The following POLR1D variants were observed in gnomAD, a reference collection of about 807,000 sequenced individuals.
POLR1D encodes RNA polymerase I and III subunit D.
In POLR1D, 8 loss-of-function variants were observed where a neutral mutation model predicts 10.8. That is an observed-to-expected ratio of 0.74 (90% CI 0.43 to 1.33). The LOEUF (loss-of-function observed/expected upper bound fraction) is 1.33, where lower values mean the gene tolerates loss of function less well. POLR1D is among the 40% of genes most tolerant of loss of function. POLR1D has a pLI of 0.01. For synonymous variants in POLR1D, 54 were observed against 57.2 expected (o/e 0.94, Z 0.25); for missense variants, 152 against 161.7 (o/e 0.94, Z 0.32).
Position 27,630,999 on chromosome 13 carries a change from C to G in POLR1D, c.26+8990C>G, listed in dbSNP as rs577295204. On this transcript the variant is annotated intron_variant, in intron 1 of 2. Transcript: ENST00000399697. ...GGCACTTGCCCTTTACTTCCCGAAC[C>G]TCTCTTCCCCTAAATCTTCACATGG... is the stretch of plus-strand genomic sequence containing the variant. Among the ~76,000 whole-genome samples the G allele has an allele frequency of 1.2e-4, 18 of 152,360 alleles. 1 individual carries two copies. In the South Asian group the frequency reaches 3.3e-3, roughly 28 times the overall value.
intron 2 of POLR1D, chr13:27,650,195 A>G: frequency 2.5e-6 from 1 of 395,018 alleles, no homozygotes. Flanking sequence ...AAGGAAGCTC[A>G]TCTGCGGCTC....
chr13:27,650,023 G>A (rs1956252168), intron 2 of POLR1D: 1 of 398,240 alleles, frequency 2.5e-6, no homozygotes, highest in Non-Finnish European at 4.4e-6. Flanking sequence ...ACTGAAATCT[G>A]TTATACTTGT....
chr13:27,645,383 CAG>C (rs1259443337), intron 1 of POLR1D, among the ~76,000 whole-genome samples: 1 of 152,110 alleles, frequency 6.6e-6, no homozygotes. Context: ...GCCTTAAAAA[CAG>C]AGGTTGGGTT....
Position 27,657,448 on chromosome 13 carries a change from C to A in POLR1D, c.102-8238C>A, listed in dbSNP as rs189947892. ...GGCTGAGGCAGGAGAATCACTTGAA[C>A]CTAGGAGGCGGAGGTTGCAGTGAGC... On this transcript the variant is annotated intron_variant, in intron 2 of 2. Transcript: ENST00000399697. Among the ~76,000 whole-genome samples the A allele has an allele frequency of 1.0e-3, 158 of 152,226 alleles. 2 individuals are homozygous for A. In the East Asian group the frequency reaches 0.029, roughly 28 times the overall value.
chr13:27,627,221 T>C (rs1205619262), downstream of POLR1D, among the ~76,000 whole-genome samples: 2 of 152,168 alleles, frequency 1.3e-5, no homozygotes, highest in African/African-American at 4.8e-5. Flanking sequence ...AAATTCTTAA[T>C]GTTGCTATTT....
At position 27,665,919 on chromosome 13, in the gene POLR1D, AG is replaced by A; in HGVS notation, c.337del (p.Asp113ThrfsTer35). On this transcript the variant is annotated frameshift_variant, in exon 3 of 3. Transcript: ENST00000399697. LOFTEE classifies it high-confidence loss of function. ...TCCCCGCCACGAAAGCGGAGCAGCC[AG>A]GACAAGTACGAAAAGCGGTCCAACC... The A allele has an allele frequency of 6.2e-7, 1 of 1,614,230 alleles. No homozygotes were observed. Among genetic ancestry groups the A allele is most frequent in the Admixed American group, 1.7e-5 (1 of 60,030 alleles).
chr13:27,632,942 T>C (rs1035124185), intron 1 of POLR1D, among the ~76,000 whole-genome samples: 2 of 152,192 alleles, frequency 1.3e-5, no homozygotes, highest in Non-Finnish European at 2.9e-5. Context: ...CCCCAAGAGC[T>C]GAACTTGAAT....
chr13:27,661,676 G>A (rs1029139723), intron 2 of POLR1D, among the ~76,000 whole-genome samples: 1 of 152,212 alleles, frequency 6.6e-6, no homozygotes, highest in Non-Finnish European at 1.5e-5. Context: ...CTCAAATACT[G>A]TGGAAGATCG....
intron 1 of POLR1D, chr13:27,648,128 G>T (rs1025048166): frequency 8.4e-6 from 3 of 358,188 alleles, no homozygotes; most frequent in Admixed American, 8.1e-5. Flanking sequence ...AAGGATATAT[G>T]ATTTAACTGT....
intron 1 of POLR1D, among the ~76,000 whole-genome samples, chr13:27,645,998 G>A (rs902727559): frequency 2.2e-4 from 33 of 152,272 alleles, no homozygotes; most frequent in African/African-American, 6.7e-4. Context: ...TTCTGCAGAT[G>A]TATAGCATTT....
intron 2 of POLR1D, among the ~76,000 whole-genome samples, chr13:27,654,884 A>G (rs780655069): frequency 5.9e-5 from 9 of 152,188 alleles, no homozygotes; most frequent in Non-Finnish European, 1.2e-4. Context: ...TTGCTTTTGC[A>G]CCATCAGTGC....
At chr13:27,665,949 G>C (rs770058121) in exon 3 of POLR1D, 3 of 1,613,998 alleles carry the variant, frequency 1.9e-6, no homozygotes, top group Admixed American at 3.3e-5. Flanking sequence ...TCCAACCGGC[G>C]GTGAGGCTGG....
downstream of POLR1D, among the ~76,000 whole-genome samples, chr13:27,628,109 C>T (rs1310205649): frequency 6.6e-6 from 1 of 152,196 alleles, no homozygotes. Context: ...CCCTTACCTC[C>T]TTCCCCAACC....
At chr13:27,644,411 A>G (rs796630076) in intron 1 of POLR1D, among the ~76,000 whole-genome samples, 10 of 152,324 alleles carry the variant, frequency 6.6e-5, no homozygotes, top group African/African-American at 2.4e-4. Context: ...GTTTTATTTA[A>G]GCTGCTATTA....
chr13:27,645,453 T>G (rs1485559533), intron 1 of POLR1D, among the ~76,000 whole-genome samples: 1 of 152,214 alleles, frequency 6.6e-6, no homozygotes, highest in Non-Finnish European at 1.5e-5. Context: ...GCAGTGTTAC[T>G]TTGGGCAAGT....
chr13:27,649,042 T>C (rs1314190966), intron 2 of POLR1D, among the ~76,000 whole-genome samples: 1 of 152,168 alleles, frequency 6.6e-6, no homozygotes, highest in Non-Finnish European at 1.5e-5. Flanking sequence ...TTGGGCAACA[T>C]AGTGAGACTT....
At chr13:27,666,631 G>A (rs1163173067) in exon 3 of POLR1D, 1 of 151,998 alleles carries the variant, frequency 6.6e-6, no homozygotes, top group African/African-American at 2.4e-5. Context: ...GGTCTTAAGT[G>A]GTGCTTTAAA....
intron 2 of POLR1D, among the ~76,000 whole-genome samples, chr13:27,659,924 A>ATATG (rs1187440252): frequency 2.1e-4 from 32 of 150,194 alleles, no homozygotes; most frequent in African/African-American, 7.7e-4. Context: ...ATATATATAT[A>ATATG]TACACACACA....
At chr13:27,658,181 TTTGG>T in intron 2 of POLR1D, among the ~76,000 whole-genome samples, 1 of 152,208 alleles carries the variant, frequency 6.6e-6, no homozygotes, top group Non-Finnish European at 1.5e-5. Flanking sequence ...TGGCCTGGGC[TTTGG>T]AGTTTTAAAG....
Sources: allele counts gnomAD v4.1 joint callset (sites outside exome capture counted in the v4.1 genomes callset), GRCh38; gene constraint gnomAD v4.1.1; transcripts MANE v1.5; gene names NCBI Gene and HGNC (gene_info 2026-07-23, HGNC 2026-07-21).